FREM2: variants seen among roughly 807,000 people sequenced by gnomAD.
The protein encoded by FREM2 is FRAS1 related extracellular matrix 2.
FREM2 carries 119 observed loss-of-function variants against 219.9 expected under a neutral mutation model. The ratio of observed to expected loss-of-function variants is 0.54; its 90% CI spans 0.47 to 0.63. The LOEUF (loss-of-function observed/expected upper bound fraction) is 0.63, where lower values mean the gene tolerates loss of function less well. Ranked by LOEUF, FREM2 falls within the 30% of genes least tolerant of loss-of-function variation. The pLI is 0.00. For synonymous variants in FREM2, 1,562 were observed against 1,522.8 expected (o/e 1.03, Z -0.60); for missense variants, 4,030 against 3,993.6 (o/e 1.01, Z -0.25).
intron 6 of FREM2, among the ~76,000 whole-genome samples, chr13:38,814,086 C>A (rs1320156081): frequency 6.6e-6 from 1 of 152,022 alleles, no homozygotes; most frequent in Non-Finnish European, 1.5e-5. Context: ...ATCTGATATT[C>A]TGAATTCCTT....
chr13:38,792,237 T>C (rs1175722079), intron 6 of FREM2, among the ~76,000 whole-genome samples: 1 of 152,110 alleles, frequency 6.6e-6, no homozygotes, highest in African/African-American at 2.4e-5. Flanking sequence ...TAATCCCAGC[T>C]ACTCAGGAGG....
intron 2 of FREM2, among the ~76,000 whole-genome samples, chr13:38,720,207 C>G (rs942062354): frequency 1.3e-5 from 2 of 152,182 alleles, no homozygotes; most frequent in Non-Finnish European, 2.9e-5. Context: ...ACAAACAGTA[C>G]TGTGACTTTC....
chr13:38,872,388 A>G (rs1304933323), intron 16 of FREM2, among the ~76,000 whole-genome samples: 1 of 152,160 alleles, frequency 6.6e-6, no homozygotes, highest in African/African-American at 2.4e-5. Flanking sequence ...CTCCTTAAAT[A>G]TACTAAGAAC....
intron 6 of FREM2, among the ~76,000 whole-genome samples, chr13:38,790,928 A>C (rs781109049): frequency 6.6e-6 from 1 of 152,178 alleles, no homozygotes; most frequent in Non-Finnish European, 1.5e-5. Context: ...GTTTCCCACA[A>C]TGCATTATTC....
chr13:38,699,922 G>A (rs1870275289), intron 2 of FREM2, among the ~76,000 whole-genome samples: 1 of 151,964 alleles, frequency 6.6e-6, no homozygotes. Context: ...ATGATAGTAG[G>A]CATATCTATA....
chr13:38,822,366 T>TTTTTTTTTG (rs1566155057), intron 6 of FREM2, among the ~76,000 whole-genome samples: 3 of 146,758 alleles, frequency 2.0e-5, no homozygotes, highest in African/African-American at 7.9e-5. Flanking sequence ...TTTTTTTTTT[T>TTTTTTTTTG]TTTTTAAGAA....
intron 22 of FREM2, among the ~76,000 whole-genome samples, chr13:38,878,569 A>G (rs1389694686): frequency 6.6e-6 from 1 of 151,422 alleles, no homozygotes; most frequent in African/African-American, 2.4e-5. Context: ...AGTCCCAGCT[A>G]CTTGGGAGGC....
chr13:38,813,869 A>G (rs1875643452), intron 6 of FREM2, among the ~76,000 whole-genome samples: 1 of 151,532 alleles, frequency 6.6e-6, no homozygotes, highest in Non-Finnish European at 1.5e-5. Context: ...TAGATCTTGT[A>G]GGTATGCTTC....
intron 21 of FREM2, among the ~76,000 whole-genome samples, 173 bp downstream of exon 21, chr13:38,877,416 T>A (rs560590034): frequency 6.6e-6 from 1 of 152,310 alleles, no homozygotes; most frequent in East Asian, 1.9e-4. Flanking sequence ...ATTGGGTATA[T>A]GTAACTGGGT....
rs898634285 is a variant in FREM2, at chr13:38,883,331, C to T, written c.*2544C>T. On this transcript the variant is annotated 3_prime_UTR_variant, in exon 24 of 24. Coordinates refer to ENST00000280481, the MANE Select transcript of FREM2 (RefSeq NM_207361.6). Reference sequence around the variant, plus strand: ...AAATTTTTTGTTAAATAAAATAGACCCTTATGTTTAGCATTTTGTTTTTAG... The same window carrying T: ...AAATTTTTTGTTAAATAAAATAGACTCTTATGTTTAGCATTTTGTTTTTAG... 4 of 151,610 alleles carry T rather than the reference C, an allele frequency of 2.6e-5. No individual in the cohort carries two copies. Among genetic ancestry groups the T allele is most frequent in the Admixed American group, 6.6e-5 (1 of 15,226 alleles). 9.4% of individuals were successfully genotyped at this position (151,610 alleles called of 1,614,324 possible).
At chr13:38,777,635 G>T in intron 4 of FREM2, among the ~76,000 whole-genome samples, 1 of 152,180 alleles carries the variant, frequency 6.6e-6, no homozygotes, top group East Asian at 1.9e-4. Flanking sequence ...TACTAGCTAA[G>T]AATTTTTAAG....
intron 4 of FREM2, among the ~76,000 whole-genome samples, chr13:38,770,366 T>C (rs1873614613): frequency 6.6e-6 from 1 of 151,786 alleles, no homozygotes; most frequent in African/African-American, 2.4e-5. Flanking sequence ...CCAGGGATGC[T>C]ATACTTTTCC....
chr13:38,761,953 G>A (rs2137806600), intron 2 of FREM2, among the ~76,000 whole-genome samples: 1 of 152,302 alleles, frequency 6.6e-6, no homozygotes, highest in African/African-American at 2.4e-5. Context: ...CTTGATATGG[G>A]CAAAAGCTGT....
At chr13:38,755,229 G>T (rs979055670) in intron 2 of FREM2, among the ~76,000 whole-genome samples, 3 of 151,868 alleles carry the variant, frequency 2.0e-5, no homozygotes, top group African/African-American at 7.3e-5. Context: ...TATCACTTCT[G>T]CCCCAAGGAT....
At chr13:38,734,953 G>C (rs1160429729) in intron 2 of FREM2, among the ~76,000 whole-genome samples, 1 of 151,922 alleles carries the variant, frequency 6.6e-6, no homozygotes, top group Admixed American at 6.6e-5. Context: ...TCACCATATT[G>C]GCCAGGCTGG....
intron 2 of FREM2, among the ~76,000 whole-genome samples, chr13:38,738,107 C>T (rs1864290903): frequency 1.3e-5 from 2 of 152,118 alleles, no homozygotes; most frequent in South Asian, 4.1e-4. Context: ...GGTTTGACTC[C>T]TCATGTTCTG....
At chr13:38,709,341 A>G (rs1009967024) in intron 2 of FREM2, among the ~76,000 whole-genome samples, 8 of 152,174 alleles carry the variant, frequency 5.3e-5, no homozygotes. Context: ...TCTCAAAGCT[A>G]GATTCAAAAC....
chr13:38,758,389 C>G (rs1255396541), intron 2 of FREM2, among the ~76,000 whole-genome samples: 2 of 152,236 alleles, frequency 1.3e-5, no homozygotes, highest in African/African-American at 4.8e-5. Context: ...TAAACACTAT[C>G]TCTTCCATGA....
In FREM2 at chr13:38,689,270, G is replaced by C; in HGVS notation, c.1926G>C (p.Glu642Asp). 6.2e-7 allele frequency: 1 copy of C among 1,614,134 alleles called. No homozygotes were observed. The highest frequency in any genetic ancestry group is 8.5e-7 in the Non-Finnish European group (1 of 1,180,038). Residue 642 changes from glutamate (E) to aspartate (D), a missense_variant, in exon 1 of 24, where the codon GAG becomes GAC. Glu to Asp is a conservative substitution (Grantham distance 45, BLOSUM62 2). This residue lies in a region of FREM2 where 3,102 missense variants were observed against 2,950.7 expected (regional missense o/e 1.05). Coordinates refer to ENST00000280481, the MANE Select transcript of FREM2 (RefSeq NM_207361.6). ...CATTTTATGAGCGAACAGTGACAGA[G>C]TGGCAGCAGCAGGACATAACAGAGG... ...EGAFYERTVT[E>D]WQQQDITEGR...
Sources: allele counts gnomAD v4.1 joint callset (sites outside exome capture counted in the v4.1 genomes callset), GRCh38; gene constraint gnomAD v4.1.1; regional missense constraint gnomAD v4.1.1; transcripts MANE v1.5; gene names NCBI Gene and HGNC (gene_info 2026-07-23, HGNC 2026-07-21).